DNAJB6: variants seen among roughly 807,000 people sequenced by gnomAD.
The protein encoded by DNAJB6 is dnaJ homolog subfamily B member 6.
DNAJB6 carries 16 observed loss-of-function variants against 42.7 expected under a neutral mutation model. The observed-to-expected ratio is 0.37, with a 90% CI of 0.25 to 0.57. The LOEUF is 0.57. Among genes scored for constraint, DNAJB6 ranks in the 20% least tolerant of loss-of-function variants. The pLI is 0.74. For synonymous variants in DNAJB6, 170 were observed against 163.5 expected (o/e 1.04, Z -0.30); for missense variants, 347 against 416.8 (o/e 0.83, Z 1.46).
At chr7:157,369,467 G>T in intron 5 of DNAJB6, 3 of 455,806 alleles carry the variant, frequency 6.6e-6, no homozygotes, top group South Asian at 3.1e-5. Flanking sequence ...CTCTTCTGGG[G>T]CACACGAGGT....
rs1386631208 is a variant in DNAJB6, at chr7:157,416,950, T to A, written c.*852T>A. On this transcript the variant is annotated 3_prime_UTR_variant, in exon 10 of 10. Transcript: ENST00000262177. Reference sequence around the variant, plus strand: ...CGAAAGTCACTTCATTCTAACTAGATGCGCCCACTTCCGGTCATTATTTCG... The same window carrying A: ...CGAAAGTCACTTCATTCTAACTAGAAGCGCCCACTTCCGGTCATTATTTCG... 3.9e-5 allele frequency: 6 copies of A among 152,352 alleles called. No homozygotes were observed. In the East Asian group the frequency reaches 1.2e-3, roughly 29 times the overall value. The allele number at this position is 152,352 out of a possible 1,614,324, so 9.4% of individuals were successfully genotyped here. A position where few individuals can be genotyped will look rare whatever the true frequency, so the allele number is the denominator to read the frequency against.
intron 1 of DNAJB6, among the ~76,000 whole-genome samples, chr7:157,343,700 T>C (rs1387861770): frequency 1.3e-5 from 2 of 151,918 alleles, no homozygotes; most frequent in African/African-American, 2.4e-5. Context: ...CCACCTGCCA[T>C]GGCCTCCCAA....
chr7:157,344,712 A>C (rs962234824), intron 1 of DNAJB6, among the ~76,000 whole-genome samples: 1 of 152,100 alleles, frequency 6.6e-6, no homozygotes, highest in African/African-American at 2.4e-5. Flanking sequence ...GCCTGGGCTC[A>C]AGTGATTTTC....
At chr7:157,401,431 G>A (rs1795514871) in intron 8 of DNAJB6, among the ~76,000 whole-genome samples, 1 of 152,040 alleles carries the variant, frequency 6.6e-6, no homozygotes, top group South Asian at 2.1e-4. Context: ...GGCTGGTCTT[G>A]AACTCCTGAC....
intron 9 of DNAJB6, chr7:157,411,797 G>A (rs1795985038): frequency 6.6e-6 from 1 of 152,228 alleles, no homozygotes; most frequent in African/African-American, 2.4e-5. Context: ...TCTCCTCCCA[G>A]GCCTTCAGCG....
intron 5 of DNAJB6, among the ~76,000 whole-genome samples, chr7:157,375,657 C>G (rs1395054284): frequency 6.6e-6 from 1 of 152,160 alleles, no homozygotes; most frequent in Admixed American, 6.5e-5. Flanking sequence ...GAGCTCCGGC[C>G]GTGTTCTTCA....
At chr7:157,394,870 G>A (rs972421684) in intron 8 of DNAJB6, among the ~76,000 whole-genome samples, 3 of 152,200 alleles carry the variant, frequency 2.0e-5, no homozygotes, top group Admixed American at 6.5e-5. Context: ...GCTGAGCTGC[G>A]TGGCGGGTGG....
At position 157,349,518 on chromosome 7, in the gene DNAJB6, G is replaced by T. The variant is rs115068140; in HGVS notation, c.-26-9029G>T. ...TTTTTTTTGAGTCAGAGTCTTGCTC[G>T]GTCACCCAGGTTGGCGTGCAGTGGT... On this transcript the variant is annotated intron_variant, in intron 1 of 9. Transcript: ENST00000262177. 4.2e-3 allele frequency among the ~76,000 whole-genome samples: 642 copies of T among 151,854 alleles called. 5 individuals are homozygous for T. The highest frequency in any genetic ancestry group is 0.015 in the African/African-American group (612 of 41,464).
At chr7:157,399,892 A>C (rs1370703186) in intron 8 of DNAJB6, among the ~76,000 whole-genome samples, 1 of 152,030 alleles carries the variant, frequency 6.6e-6, no homozygotes, top group Non-Finnish European at 1.5e-5. Context: ...TGATCTCAAA[A>C]TCCTGACCTC....
At chr7:157,409,663 C>T in intron 8 of DNAJB6, 132 bp from the exon 9 acceptor site, 1 of 1,032,754 alleles carries the variant, frequency 9.7e-7, no homozygotes, top group South Asian at 1.7e-5. Context: ...AGGAGATAAC[C>T]TCTTTCTCCT....
intron 8 of DNAJB6, among the ~76,000 whole-genome samples, chr7:157,391,257 A>G (rs1801327726): frequency 6.6e-6 from 1 of 152,216 alleles, no homozygotes. Flanking sequence ...CGTTTCGTAC[A>G]CACATTTCTG....
chr7:157,407,275 C>G (rs1022496361), intron 8 of DNAJB6, among the ~76,000 whole-genome samples: 1 of 152,170 alleles, frequency 6.6e-6, no homozygotes, highest in Non-Finnish European at 1.5e-5. Context: ...TCCCTGGGCA[C>G]GGGGGGCTGT....
chr7:157,361,706 C>A (rs1237801077), intron 2 of DNAJB6, among the ~76,000 whole-genome samples: 1 of 152,146 alleles, frequency 6.6e-6, no homozygotes, highest in Non-Finnish European at 1.5e-5. Flanking sequence ...TGAATATATG[C>A]TGCTTAGGTT....
intron 8 of DNAJB6, 28 bp from the exon 9 acceptor site, chr7:157,409,766 CG>C: frequency 6.7e-7 from 1 of 1,502,138 alleles, no homozygotes; most frequent in Non-Finnish European, 8.9e-7. Flanking sequence ...CGCTCACTCA[CG>C]GCTCTCTCTC....
At chr7:157,357,293 TCCTTCCTTCCTTCCTTCCTTCCTTCC>T in intron 1 of DNAJB6, among the ~76,000 whole-genome samples, 1 of 54,580 alleles carries the variant, frequency 1.8e-5, no homozygotes, top group African/African-American at 2.1e-4. Context: ...CTTCCGTCCT[TCCTTCCTTCCTTCCTTCCTTCCTTCC>T]TTCCTCGTTC....
intron 1 of DNAJB6, among the ~76,000 whole-genome samples, chr7:157,350,154 G>A (rs1193354639): frequency 1.3e-5 from 2 of 152,110 alleles, no homozygotes; most frequent in Admixed American, 1.3e-4. Flanking sequence ...AGAGCTGTGG[G>A]TCTTGTTATC....
intron 6 of DNAJB6, 96 bp from the exon 7 acceptor site, chr7:157,384,771 A>C: frequency 7.9e-7 from 1 of 1,258,824 alleles, no homozygotes; most frequent in Non-Finnish European, 1.1e-6. Flanking sequence ...CTATGCCTTA[A>C]CATTAAATAT....
At chr7:157,371,001 G>C (rs776681096) in intron 5 of DNAJB6, 1 of 152,274 alleles carries the variant, frequency 6.6e-6, no homozygotes, top group Non-Finnish European at 1.5e-5. Flanking sequence ...GGTGAGCGGC[G>C]CGCAGGCAGG....
intron 1 of DNAJB6, among the ~76,000 whole-genome samples, chr7:157,340,997 T>TGCGCGCGTGTGCGC (rs1554450155): frequency 4.2e-5 from 5 of 118,298 alleles, no homozygotes; most frequent in African/African-American, 1.4e-4. Context: ...TGTGTGTGTG[T>TGCGCGCGTGTGCGC]GCGCGCGCGC....
Sources: gnomAD v4.1 joint callset for allele counts (sites outside exome capture counted in the v4.1 genomes callset) on GRCh38, gnomAD v4.1.1 for gene constraint, MANE v1.5 for transcripts, NCBI Gene and HGNC (gene_info 2026-07-23, HGNC 2026-07-21) for gene names.